The following GPC6 variants were observed in gnomAD, a reference collection of about 807,000 sequenced individuals.
GPC6 encodes the protein glypican 6.
A neutral mutation model predicts 55.2 loss-of-function variants in GPC6; 14 were observed. The ratio of observed to expected loss-of-function variants is 0.25; its 90% CI spans 0.17 to 0.40. The LOEUF (loss-of-function observed/expected upper bound fraction) is 0.40, where lower values mean the gene tolerates loss of function less well. Ranked by LOEUF, GPC6 falls within the 10% of genes least tolerant of loss-of-function variation. The pLI is 1.00. For missense variants in GPC6, 641 were observed against 708.5 expected, an observed-to-expected ratio of 0.90 and a Z score of 1.08; for synonymous variants, 278 against 259.6, an observed-to-expected ratio of 1.07 and a Z score of -0.68.
intron 4 of GPC6, among the ~76,000 whole-genome samples, chr13:94,067,556 C>T (rs1884563849): frequency 6.7e-6 from 1 of 150,258 alleles, no homozygotes; most frequent in African/African-American, 2.5e-5. Flanking sequence ...CACTGGAGTC[C>T]ATGAGAGATA....
chr13:94,290,579 T>C lies in GPC6; in HGVS notation c.1008+4100T>C, dbSNP rs559190209. 6.6e-4 allele frequency among the ~76,000 whole-genome samples: 101 copies of C among 152,284 alleles called. 1 individual carries two copies. The highest frequency in any genetic ancestry group is 2.3e-3 in the African/African-American group (96 of 41,556). ...GATGTTACAAGATTGTTTTGAAATA[T>C]GTATACATTGTGAAATGGTTAAATC... On this transcript the variant is annotated intron_variant, in intron 5 of 8. Coordinates refer to ENST00000377047, the MANE Select transcript of GPC6 (RefSeq NM_005708.5).
intron 1 of GPC6, among the ~76,000 whole-genome samples, chr13:93,335,108 C>T (rs1016178327): frequency 6.6e-6 from 1 of 152,144 alleles, no homozygotes; most frequent in African/African-American, 2.4e-5. Context: ...ACTTCCATTC[C>T]CCATGTCAGT....
chr13:93,669,032 G>C (rs1881254124), intron 2 of GPC6, among the ~76,000 whole-genome samples: 1 of 152,122 alleles, frequency 6.6e-6, no homozygotes, highest in African/African-American at 2.4e-5. Flanking sequence ...CTCAGATGGA[G>C]CCCTGCCATG....
At chr13:93,507,404 A>G (rs1880778078) in intron 1 of GPC6, among the ~76,000 whole-genome samples, 1 of 152,278 alleles carries the variant, frequency 6.6e-6, no homozygotes, top group Admixed American at 6.5e-5. Context: ...CTTTTAATCA[A>G]CGAAGATGCA....
chr13:93,976,813 A>C (rs2140400099), intron 3 of GPC6, among the ~76,000 whole-genome samples: 1 of 151,878 alleles, frequency 6.6e-6, no homozygotes, highest in East Asian at 2.0e-4. Context: ...GCTTGCCCCA[A>C]GAGGTTATTT....
At chr13:94,110,070 AAAAAAAAAAAAG>A (rs1319128458) in intron 4 of GPC6, among the ~76,000 whole-genome samples, 1 of 151,326 alleles carries the variant, frequency 6.6e-6, no homozygotes, top group Non-Finnish European at 1.5e-5. Context: ...ACTAAAAAAA[AAAAAAAAAAAAG>A]AAAAGAAAAA....
At chr13:93,713,857 G>A (rs902743365) in intron 2 of GPC6, among the ~76,000 whole-genome samples, 3 of 151,588 alleles carry the variant, frequency 2.0e-5, no homozygotes, top group African/African-American at 7.3e-5. Context: ...CAGCACCTGG[G>A]AGAGCATTAA....
chr13:93,728,790 C>T (rs1177966493), intron 2 of GPC6, among the ~76,000 whole-genome samples: 1 of 152,112 alleles, frequency 6.6e-6, no homozygotes, highest in Non-Finnish European at 1.5e-5. Context: ...TGGTTTCGAA[C>T]TCCTGACCTC....
In GPC6 at chr13:93,278,241, T is replaced by C. The variant is rs572105882; in HGVS notation, c.160+50625T>C. Among the ~76,000 whole-genome samples the C allele has an allele frequency of 1.4e-4, 21 of 149,660 alleles. No homozygotes were observed. In the East Asian group the frequency reaches 1.7e-3, roughly 12 times the overall value. On this transcript the variant is annotated intron_variant, in intron 1 of 8. Coordinates refer to ENST00000377047, the MANE Select transcript of GPC6 (RefSeq NM_005708.5). ...TTTCATTGTGTGAGCTGAATAGAGATTTTTTTTTAAAAAGTTTGTTTTATT... is the reference window on the plus strand; with the variant it reads ...TTTCATTGTGTGAGCTGAATAGAGACTTTTTTTTAAAAAGTTTGTTTTATT...
At chr13:94,309,522 T>TTTATATATATAATA (rs141371598) in intron 6 of GPC6, among the ~76,000 whole-genome samples, 12,944 of 151,902 alleles carry the variant, frequency 0.085, 1,083 homozygotes, top group East Asian at 0.43. Context: ...TCTTATTATA[T>TTTATATATATAATA]TTATAAGGAA....
chr13:93,886,527 C>G (rs1875336650), intron 3 of GPC6, among the ~76,000 whole-genome samples: 1 of 151,990 alleles, frequency 6.6e-6, no homozygotes, highest in Non-Finnish European at 1.5e-5. Flanking sequence ...AAAATTTTGG[C>G]TATATTGAAG....
chr13:94,358,893 A>G (rs1446648778), intron 6 of GPC6, among the ~76,000 whole-genome samples: 1 of 151,616 alleles, frequency 6.6e-6, no homozygotes, highest in Non-Finnish European at 1.5e-5. Flanking sequence ...TTTCAGAAAA[A>G]AACTGTTTTT....
chr13:93,529,847 T>C (rs189898193), intron 1 of GPC6, among the ~76,000 whole-genome samples: 1 of 152,260 alleles, frequency 6.6e-6, no homozygotes, highest in East Asian at 1.9e-4. Flanking sequence ...AAGTCTCTGC[T>C]TATTCTTCTG....
At position 94,405,616 on chromosome 13, in the gene GPC6, A is replaced by ATTAG. The variant is rs1881335555; in HGVS notation, c.*2401_*2404dup. On this transcript the variant is annotated 3_prime_UTR_variant, in exon 9 of 9. Coordinates refer to ENST00000377047, the MANE Select transcript of GPC6 (RefSeq NM_005708.5). Reference sequence around the variant, plus strand: ...GTGCATGTGTATGAATACACATAATATTAGTGAATGTGAACCCATGTTCTA... The same window carrying ATTAG: ...GTGCATGTGTATGAATACACATAATATTAGTTAGTGAATGTGAACCCATGTTCTA... The ATTAG allele has an allele frequency of 6.6e-6, 1 of 152,212 alleles. No individual in the cohort carries two copies. The highest frequency in any genetic ancestry group is 1.5e-5 in the Non-Finnish European group (1 of 68,024). The allele number at this position is 152,212 out of a possible 1,614,324, so 9.4% of individuals were successfully genotyped here. A position where few individuals can be genotyped will look rare whatever the true frequency, so the allele number is the denominator to read the frequency against.
chr13:93,609,793 C>T (rs541781360), intron 2 of GPC6, among the ~76,000 whole-genome samples: 2 of 152,304 alleles, frequency 1.3e-5, no homozygotes, highest in Non-Finnish European at 2.9e-5. Context: ...CTACTATTCA[C>T]CCCTCTCCAT....
intron 4 of GPC6, among the ~76,000 whole-genome samples, chr13:94,133,143 G>A (rs1887058886): frequency 6.6e-6 from 1 of 151,628 alleles, no homozygotes; most frequent in Non-Finnish European, 1.5e-5. Flanking sequence ...ATTTACGATG[G>A]TCAGGTGCTG....
At chr13:93,708,075 A>G (rs1025855129) in intron 2 of GPC6, among the ~76,000 whole-genome samples, 1 of 151,862 alleles carries the variant, frequency 6.6e-6, no homozygotes, top group Non-Finnish European at 1.5e-5. Context: ...ATAAACATCA[A>G]ACAATAATGA....
intron 1 of GPC6, among the ~76,000 whole-genome samples, chr13:93,424,183 G>A (rs1877031797): frequency 6.6e-6 from 1 of 152,108 alleles, no homozygotes; most frequent in Non-Finnish European, 1.5e-5. Context: ...GAAAAGTTGA[G>A]CTTTGCTATA....
chr13:94,266,151 C>CT (rs111623457), intron 4 of GPC6, among the ~76,000 whole-genome samples: 4,607 of 142,818 alleles, frequency 0.032, 96 homozygotes, highest in East Asian at 0.083. Flanking sequence ...CTTTTCTTTT[C>CT]TTTTTTTTTT....
Sources: allele counts gnomAD v4.1 joint callset (sites outside exome capture counted in the v4.1 genomes callset), GRCh38; gene constraint gnomAD v4.1.1; transcripts MANE v1.5; gene names NCBI Gene and HGNC (gene_info 2026-07-23, HGNC 2026-07-21).